Variants in CHST9 observed in about 807,000 individuals in gnomAD.
CHST9 encodes the protein carbohydrate sulfotransferase 9, also known as GalNAc-4-sulfotransferase 2.
CHST9 carries 41 observed loss-of-function variants against 44.4 expected under a neutral mutation model. The ratio of observed to expected loss-of-function variants is 0.92; its 90% CI spans 0.72 to 1.20. The LOEUF is 1.20. Ranked by LOEUF, CHST9 falls within the 50% of genes most tolerant of loss-of-function variation. CHST9 has a pLI of 0.00. For missense variants in CHST9, 504 were observed against 516.5 expected (o/e 0.98, Z 0.23); for synonymous variants, 171 against 178.4 (o/e 0.96, Z 0.33).
At chr18:27,126,335 G>A (rs925933240) in intron 2 of CHST9, among the ~76,000 whole-genome samples, 3 of 152,172 alleles carry the variant, frequency 2.0e-5, no homozygotes, top group African/African-American at 7.2e-5. Context: ...AGGCACAGGG[G>A]ATGCAATGGT....
chr18:27,048,599 A>G (rs1198929860), intron 2 of CHST9, 96 bp from the exon 3 acceptor site: 2 of 988,944 alleles, frequency 2.0e-6, no homozygotes, highest in African/African-American at 1.6e-5. Flanking sequence ...TCCAAACACA[A>G]CCTCTACTTC....
At chr18:27,105,049 TTC>T (rs971425525) in intron 2 of CHST9, among the ~76,000 whole-genome samples, 7 of 152,174 alleles carry the variant, frequency 4.6e-5, no homozygotes, top group African/African-American at 1.7e-4. Flanking sequence ...TTTTCTCCTC[TTC>T]TCTTTTCCCC....
chr18:26,918,252 AC>A (rs1426416483), intron 5 of CHST9, among the ~76,000 whole-genome samples: 1 of 152,138 alleles, frequency 6.6e-6, no homozygotes, highest in Admixed American at 6.6e-5. Context: ...AAACTAGGGA[AC>A]TTTTGTAGGG....
chr18:27,009,074 G>A (rs767707167), intron 4 of CHST9, among the ~76,000 whole-genome samples: 35 of 152,028 alleles, frequency 2.3e-4, no homozygotes, highest in Non-Finnish European at 1.9e-4. Context: ...TGTATATCAA[G>A]GACTTAAAGA....
chr18:26,973,086 T>C (rs1412584285), intron 4 of CHST9, among the ~76,000 whole-genome samples: 1 of 152,126 alleles, frequency 6.6e-6, no homozygotes, highest in Non-Finnish European at 1.5e-5. Flanking sequence ...AGCTCAAATG[T>C]CTCCCGTTGG....
chr18:26,954,211 G>A (rs2056291037), intron 4 of CHST9, among the ~76,000 whole-genome samples: 1 of 152,176 alleles, frequency 6.6e-6, no homozygotes, highest in African/African-American at 2.4e-5. Flanking sequence ...AGCATAGAGA[G>A]GAAGCTATTG....
intron 4 of CHST9, among the ~76,000 whole-genome samples, chr18:26,955,489 C>T (rs907604925): frequency 1.4e-4 from 21 of 152,128 alleles, no homozygotes; most frequent in African/African-American, 4.6e-4. Flanking sequence ...AATATATGCA[C>T]TTTCTTTTAA....
chr18:27,003,563 TAAG>T (rs2056978344), intron 4 of CHST9, among the ~76,000 whole-genome samples: 1 of 152,124 alleles, frequency 6.6e-6, no homozygotes, highest in South Asian at 2.1e-4. Flanking sequence ...CCCCTCACAC[TAAG>T]GAGTAGGGCA....
At chr18:27,088,140 C>T (rs1428007031) in intron 2 of CHST9, among the ~76,000 whole-genome samples, 1 of 152,142 alleles carries the variant, frequency 6.6e-6, no homozygotes, top group African/African-American at 2.4e-5. Context: ...TTGCAGAATA[C>T]TCTGCATATA....
intron 4 of CHST9, among the ~76,000 whole-genome samples, chr18:26,951,330 G>A (rs1314062961): frequency 3.3e-5 from 5 of 152,100 alleles, no homozygotes; most frequent in East Asian, 1.9e-4. Flanking sequence ...TAATCACCCC[G>A]AACTGATTAA....
chr18:26,938,545 A>AT (rs1256919805), intron 5 of CHST9, among the ~76,000 whole-genome samples: 21 of 152,310 alleles, frequency 1.4e-4, no homozygotes, highest in Non-Finnish European at 2.9e-4. Context: ...GGCCATTTTG[A>AT]TAAGAATAGT....
Position 26,914,694 on chromosome 18 carries a change from A to G in CHST9, c.*1565T>C. On this transcript the variant is annotated 3_prime_UTR_variant, in exon 6 of 6. Coordinates refer to ENST00000618847, the MANE Select transcript of CHST9 (RefSeq NM_031422.6). ...GGCAGGTGTGTGTAAGGAGCGAAGC[A>G]ATTCATGAATACTCAGCCATGAAAT... The G allele has an allele frequency of 2.7e-6, 1 of 373,936 alleles. No homozygotes were observed. Among genetic ancestry groups the G allele is most frequent in the East Asian group, 3.8e-5 (1 of 26,348 alleles). The allele number at this position is 373,936 out of a possible 1,614,324, so 23.2% of individuals were successfully genotyped here.
At chr18:27,017,747 G>A (rs1327897745) in intron 4 of CHST9, among the ~76,000 whole-genome samples, 3 of 152,102 alleles carry the variant, frequency 2.0e-5, no homozygotes, top group Non-Finnish European at 4.4e-5. Flanking sequence ...AAACTTACTG[G>A]ATTGAGAGAA....
intron 5 of CHST9, among the ~76,000 whole-genome samples, chr18:26,938,027 A>G (rs1330928009): frequency 1.3e-5 from 2 of 151,990 alleles, no homozygotes; most frequent in South Asian, 2.1e-4. Context: ...GAGTGCTTGA[A>G]TGAGAGCTGT....
intron 4 of CHST9, among the ~76,000 whole-genome samples, chr18:27,023,705 T>A (rs2057250661): frequency 6.6e-6 from 1 of 152,242 alleles, no homozygotes; most frequent in South Asian, 2.1e-4. Flanking sequence ...TAGCAGTATC[T>A]GAATTAATGA....
intron 2 of CHST9, among the ~76,000 whole-genome samples, chr18:27,085,979 G>A (rs28441579): frequency 0.01 from 1,586 of 152,198 alleles, 23 homozygotes; most frequent in African/African-American, 0.033. Flanking sequence ...AACATGGATG[G>A]TACTAGAGGC....
intron 3 of CHST9, among the ~76,000 whole-genome samples, chr18:27,047,725 A>G (rs999095329): frequency 1.4e-4 from 21 of 152,076 alleles, no homozygotes; most frequent in Admixed American, 5.2e-4. Context: ...GTGGGTTGGT[A>G]GAAACTTGGG....
chr18:27,128,755 T>C (rs990834799), intron 2 of CHST9, among the ~76,000 whole-genome samples: 21 of 152,240 alleles, frequency 1.4e-4, no homozygotes, highest in Non-Finnish European at 2.4e-4. Context: ...CTGTGTAGTA[T>C]GATTAGTGAC....
At chr18:27,095,944 C>G (rs1352749145) in intron 2 of CHST9, among the ~76,000 whole-genome samples, 1 of 152,142 alleles carries the variant, frequency 6.6e-6, no homozygotes, top group East Asian at 1.9e-4. Context: ...ACCTAATAGA[C>G]ATATACAGAA....
Sources: allele counts gnomAD v4.1 joint callset (sites outside exome capture counted in the v4.1 genomes callset), GRCh38; gene constraint gnomAD v4.1.1; transcripts MANE v1.5; gene names NCBI Gene and HGNC (gene_info 2026-07-23, HGNC 2026-07-21).